Variants in GLCCI1 observed in about 807,000 individuals in gnomAD.
GLCCI1 encodes glucocorticoid induced 1.
A neutral mutation model predicts 52.2 loss-of-function variants in GLCCI1; 24 were observed. That is an observed-to-expected ratio of 0.46 (90% CI 0.33 to 0.65). The LOEUF is 0.65. GLCCI1 is among the 30% of genes least tolerant of loss of function. The pLI is 0.02. For synonymous variants in GLCCI1, 310 were observed against 276.5 expected (o/e 1.12, Z -1.20); for missense variants, 704 against 701.5 (o/e 1.00, Z -0.04).
chr7:8,068,314 C>T (rs1162588960), intron 5 of GLCCI1, among the ~76,000 whole-genome samples: 1 of 152,156 alleles, frequency 6.6e-6, no homozygotes, highest in East Asian at 1.9e-4. Flanking sequence ...TGTGCCATTG[C>T]ACTCCATCCT....
At chr7:7,977,254 A>G (rs1355173950) in intron 1 of GLCCI1, among the ~76,000 whole-genome samples, 8 of 152,232 alleles carry the variant, frequency 5.3e-5, no homozygotes, top group Non-Finnish European at 1.2e-4. Flanking sequence ...CTTATTGATA[A>G]CATATACATA....
intron 1 of GLCCI1, chr7:7,981,810 A>C (rs551373954): frequency 7.2e-6 from 3 of 416,688 alleles, no homozygotes; most frequent in African/African-American, 6.2e-5. Flanking sequence ...TGGTTCTGAA[A>C]GATAAAGTAA....
At position 8,089,070 on chromosome 7, in the gene GLCCI1, TA is replaced by T; in HGVS notation, c.*2536del. Reference sequence around the variant, plus strand: ...TGTCTTATTTAAATAAAGTTATTAGTAAAACTGAAATAGTTCACACATGTTT... The same window carrying T: ...TGTCTTATTTAAATAAAGTTATTAGTAAACTGAAATAGTTCACACATGTTT... On this transcript the variant is annotated 3_prime_UTR_variant, in exon 8 of 8. Transcript: ENST00000223145. 1.3e-5 allele frequency: 2 copies of T among 152,632 alleles called. No homozygotes were observed. The highest frequency in any genetic ancestry group is 6.8e-3 in the Middle Eastern group (2 of 294). 9.5% of individuals were successfully genotyped at this position (152,632 alleles called of 1,614,324 possible). A position where few individuals can be genotyped will look rare whatever the true frequency, so the allele number is the denominator to read the frequency against.
At chr7:8,023,588 C>CATTTTTTTTT (rs1781543370) in intron 3 of GLCCI1, among the ~76,000 whole-genome samples, 4 of 41,984 alleles carry the variant, frequency 9.5e-5, no homozygotes, top group African/African-American at 4.1e-4. Context: ...CTCTGTTATT[C>CATTTTTTTTT]TTTTTTTTTT....
intron 3 of GLCCI1, among the ~76,000 whole-genome samples, chr7:8,036,503 G>A (rs981403780): frequency 2.0e-5 from 3 of 152,094 alleles, no homozygotes; most frequent in Non-Finnish European, 4.4e-5. Flanking sequence ...AAAAAACAGA[G>A]TATTACAACA....
chr7:7,990,002 C>T (rs2115415161), intron 1 of GLCCI1, among the ~76,000 whole-genome samples: 1 of 152,052 alleles, frequency 6.6e-6, no homozygotes, highest in South Asian at 2.1e-4. Context: ...ATACTAAACA[C>T]ATAGAAAGGA....
chr7:7,974,358 A>T (rs1780420774), intron 1 of GLCCI1, among the ~76,000 whole-genome samples: 1 of 152,166 alleles, frequency 6.6e-6, no homozygotes, highest in African/African-American at 2.4e-5. Context: ...AGCATGTGTA[A>T]ATCATCTTAA....
chr7:7,989,858 A>G (rs1780804745), intron 1 of GLCCI1, among the ~76,000 whole-genome samples: 1 of 152,116 alleles, frequency 6.6e-6, no homozygotes, highest in Non-Finnish European at 1.5e-5. Flanking sequence ...GTCTCATTCT[A>G]AAGTGAAAGT....
In GLCCI1 at chr7:8,022,466, A is replaced by G. The variant is rs1252307534; in HGVS notation, c.610-17A>G. On this transcript the variant is annotated splice_polypyrimidine_tract_variant and intron_variant, in intron 2 of 7. Coordinates refer to ENST00000223145, the MANE Select transcript of GLCCI1 (RefSeq NM_138426.4). ...AGATAAAATTTCTTATTTTATTTAT[A>G]TATATATTTTTTAAAGACACCTAGC... 3 of 1,399,052 alleles carry G rather than the reference A, an allele frequency of 2.1e-6. No individual in the cohort carries two copies. Among genetic ancestry groups the G allele is most frequent in the Non-Finnish European group, 2.9e-6 (3 of 1,042,840 alleles). 86.7% of individuals were successfully genotyped at this position (1,399,052 alleles called of 1,614,324 possible). A position where few individuals can be genotyped will look rare whatever the true frequency, so the allele number is the denominator to read the frequency against.
intron 1 of GLCCI1, among the ~76,000 whole-genome samples, chr7:7,972,253 T>A (rs1362991561): frequency 6.6e-6 from 1 of 152,150 alleles, no homozygotes; most frequent in Non-Finnish European, 1.5e-5. Flanking sequence ...ACTGCATGAA[T>A]GAAAAACAAC....
intron 4 of GLCCI1, among the ~76,000 whole-genome samples, chr7:8,056,031 C>T (rs550547365): frequency 3.9e-4 from 57 of 147,662 alleles, no homozygotes; most frequent in Admixed American, 6.1e-4. Context: ...GGGGCAGTGG[C>T]TCACTCCTGT....
intron 5 of GLCCI1, among the ~76,000 whole-genome samples, chr7:8,063,283 G>A (rs958266268): frequency 2.0e-5 from 3 of 151,996 alleles, no homozygotes; most frequent in Non-Finnish European, 2.9e-5. Context: ...GACTTCAGGT[G>A]CATGCTGCCA....
At chr7:8,051,501 T>C (rs1233015450) in intron 3 of GLCCI1, among the ~76,000 whole-genome samples, 1 of 152,242 alleles carries the variant, frequency 6.6e-6, no homozygotes, top group African/African-American at 2.4e-5. Flanking sequence ...TGCTTTCTGC[T>C]CTTCAGCTGT....
intron 3 of GLCCI1, among the ~76,000 whole-genome samples, chr7:8,030,663 T>TA (rs1163181694): frequency 6.6e-6 from 1 of 152,084 alleles, no homozygotes; most frequent in African/African-American, 2.4e-5. Flanking sequence ...ACAGAATATA[T>TA]AAGGAGCTCA....
At chr7:8,071,175 G>A in intron 6 of GLCCI1, 44 bp downstream of exon 6, 1 of 1,466,284 alleles carries the variant, frequency 6.8e-7, no homozygotes, top group Non-Finnish European at 9.5e-7. Context: ...TATGGGCCTT[G>A]CTCATTATAC....
rs1783178605 is a variant in GLCCI1, at chr7:8,089,044, G to T, written c.*2506G>T. 6.6e-6 allele frequency: 1 copy of T among 152,580 alleles called. No homozygotes were observed. Among genetic ancestry groups the T allele is most frequent in the African/African-American group, 2.4e-5 (1 of 41,462 alleles). 9.5% of individuals were successfully genotyped at this position (152,580 alleles called of 1,614,324 possible). On this transcript the variant is annotated 3_prime_UTR_variant, in exon 8 of 8. Transcript: ENST00000223145. ...GTATTTTTTCAGTATAGAAGTTCCTGTGTCTTATTTAAATAAAGTTATTAG... is the reference window on the plus strand; with the variant it reads ...GTATTTTTTCAGTATAGAAGTTCCTTTGTCTTATTTAAATAAAGTTATTAG...
Position 8,088,155 on chromosome 7 carries a change from A to T in GLCCI1, c.*1617A>T, listed in dbSNP as rs1364128542. On this transcript the variant is annotated 3_prime_UTR_variant, in exon 8 of 8. Transcript: ENST00000223145. Reference sequence around the variant, plus strand: ...TCCTGGGTTTTTCTTTTATTTTCTAAGAAGGTTGAAGAAGGATGAGTGATA... The same window carrying T: ...TCCTGGGTTTTTCTTTTATTTTCTATGAAGGTTGAAGAAGGATGAGTGATA... The T allele has an allele frequency of 6.6e-6, 1 of 152,264 alleles. No individual in the cohort carries two copies. The highest frequency in any genetic ancestry group is 2.4e-5 in the African/African-American group (1 of 41,412). 9.4% of individuals were successfully genotyped at this position (152,264 alleles called of 1,614,324 possible).
At chr7:8,052,790 C>G (rs964405497) in intron 3 of GLCCI1, among the ~76,000 whole-genome samples, 2 of 152,210 alleles carry the variant, frequency 1.3e-5, no homozygotes, top group Admixed American at 1.3e-4. Context: ...AACATTTTTC[C>G]TGGTTTTAGG....
At chr7:8,065,641 C>T (rs930447156) in intron 5 of GLCCI1, among the ~76,000 whole-genome samples, 2 of 152,134 alleles carry the variant, frequency 1.3e-5, no homozygotes, top group Non-Finnish European at 2.9e-5. Context: ...AAAGCCCTTT[C>T]TGTATCTATT....
Sources: allele counts gnomAD v4.1 joint callset (sites outside exome capture counted in the v4.1 genomes callset), GRCh38; gene constraint gnomAD v4.1.1; transcripts MANE v1.5; gene names NCBI Gene and HGNC (gene_info 2026-07-23, HGNC 2026-07-21).